SESTD1: variants seen among roughly 807,000 people sequenced by gnomAD.
SESTD1 encodes the protein SEC14 domain and spectrin repeat-containing protein 1.
Under a neutral mutation model 101.7 loss-of-function variants are expected in SESTD1, and 43 were observed. That is an observed-to-expected ratio of 0.42 (90% CI 0.33 to 0.55). The LOEUF (loss-of-function observed/expected upper bound fraction) is 0.55, where lower values mean the gene tolerates loss of function less well. Among genes scored for constraint, SESTD1 ranks in the 20% least tolerant of loss-of-function variants. The pLI is 0.07. For missense variants in SESTD1, 647 were observed against 815.1 expected (o/e 0.79, Z 2.51); for synonymous variants, 283 against 286.8 (o/e 0.99, Z 0.13).
chr2:179,207,484 T>C (rs540811329), intron 1 of SESTD1, among the ~76,000 whole-genome samples: 2 of 134,778 alleles, frequency 1.5e-5, no homozygotes, highest in African/African-American at 5.9e-5. Flanking sequence ...GTCCACCTTA[T>C]TTACTCCCCT....
In SESTD1 at chr2:179,173,514, C is replaced by T. The variant is rs2045960096; in HGVS notation, c.256-1281G>A. Among the ~76,000 whole-genome samples, 3 of 152,002 alleles carry T rather than the reference C, an allele frequency of 2.0e-5. No homozygotes were observed. The South Asian group carries it at 6.2e-4, about 31-fold the overall frequency. ...TAAATATTTGTTAAATAAATGAATCCTCATTACTAAGTAGATCTCATTCTC... is the reference window on the plus strand; with the variant it reads ...TAAATATTTGTTAAATAAATGAATCTTCATTACTAAGTAGATCTCATTCTC... On this transcript the variant is annotated intron_variant, in intron 4 of 17. Transcript: ENST00000428443.
intron 2 of SESTD1, among the ~76,000 whole-genome samples, chr2:179,184,088 C>A (rs1226837959): frequency 1.3e-5 from 2 of 152,144 alleles, no homozygotes; most frequent in African/African-American, 4.8e-5. Context: ...ATATTGAAGT[C>A]TGAAATCCCG....
intron 1 of SESTD1, among the ~76,000 whole-genome samples, chr2:179,263,206 T>C (rs2047507175): frequency 6.6e-6 from 1 of 152,192 alleles, no homozygotes. Context: ...GGCAAAGTAT[T>C]ACGTATAAAA....
chr2:179,209,992 C>A, intron 1 of SESTD1, among the ~76,000 whole-genome samples: 1 of 132,184 alleles, frequency 7.6e-6, no homozygotes, highest in African/African-American at 3.0e-5. Flanking sequence ...AGAGAAGATC[C>A]AAATAAGCTC....
chr2:179,185,952 A>G (rs2046224337), intron 2 of SESTD1, among the ~76,000 whole-genome samples: 1 of 140,522 alleles, frequency 7.1e-6, no homozygotes, highest in Non-Finnish European at 1.5e-5. Context: ...ATTATATACA[A>G]TATATAATAT....
At chr2:179,252,890 C>T (rs1197702206) in intron 1 of SESTD1, among the ~76,000 whole-genome samples, 1 of 152,160 alleles carries the variant, frequency 6.6e-6, no homozygotes, top group Non-Finnish European at 1.5e-5. Flanking sequence ...TGGTTTGATA[C>T]CCCTTTCTTT....
intron 2 of SESTD1, among the ~76,000 whole-genome samples, chr2:179,190,863 CA>C (rs1319401808): frequency 6.6e-6 from 1 of 151,782 alleles, no homozygotes; most frequent in African/African-American, 2.4e-5. Flanking sequence ...ATTAAAAAGT[CA>C]AAAAAATAAC....
intron 8 of SESTD1, among the ~76,000 whole-genome samples, chr2:179,144,329 G>A (rs542587362): frequency 2.6e-5 from 4 of 152,026 alleles, no homozygotes; most frequent in Admixed American, 2.6e-4. Flanking sequence ...ATAAATGAAT[G>A]ATTAAAGGGA....
chr2:179,118,073 T>C (rs1004886836), intron 13 of SESTD1, among the ~76,000 whole-genome samples: 1 of 151,732 alleles, frequency 6.6e-6, no homozygotes. Context: ...TGGGCTTAAA[T>C]GATCTTCACA....
chr2:179,174,851 A>G (rs2045983398), intron 4 of SESTD1, among the ~76,000 whole-genome samples: 1 of 151,696 alleles, frequency 6.6e-6, no homozygotes, highest in Non-Finnish European at 1.5e-5. Context: ...CAGGTGGCTG[A>G]GGCAGGAGGA....
At chr2:179,117,205 G>C (rs546922252) in intron 14 of SESTD1, among the ~76,000 whole-genome samples, 1 of 152,206 alleles carries the variant, frequency 6.6e-6, no homozygotes, top group African/African-American at 2.4e-5. Context: ...TTCTCTTGCA[G>C]ATGCAAGAGA....
At position 179,122,027 on chromosome 2, in the gene SESTD1, G is replaced by A. The variant is rs112526515; in HGVS notation, c.1283-98C>T. On this transcript the variant is annotated intron_variant, in intron 12 of 17. Transcript: ENST00000428443. ...ATCAGATATTGTACCTGGATCCCAA[G>A]TATAGGAGCTTTGTACAGTAAACCA... 544 of 1,239,532 alleles carry A rather than the reference G, an allele frequency of 4.4e-4. 6 individuals are homozygous for A. In the African/African-American group the frequency reaches 7.3e-3, roughly 17 times the overall value. The allele number at this position is 1,239,532 out of a possible 1,614,324, so 76.8% of individuals were successfully genotyped here.
chr2:179,260,036 T>C (rs2047460427), intron 1 of SESTD1, among the ~76,000 whole-genome samples: 1 of 152,228 alleles, frequency 6.6e-6, no homozygotes, highest in Admixed American at 6.5e-5. Context: ...CACCATCCTA[T>C]CTACTTAAAA....
intron 2 of SESTD1, 59 bp from the exon 3 acceptor site, chr2:179,183,247 A>G (rs1438965533): frequency 9.3e-7 from 1 of 1,069,584 alleles, no homozygotes; most frequent in Non-Finnish European, 1.4e-6. Flanking sequence ...AATCTGAATA[A>G]TATACATTTG....
chr2:179,131,178 A>G (rs569130282), intron 10 of SESTD1, among the ~76,000 whole-genome samples: 21 of 148,486 alleles, frequency 1.4e-4, no homozygotes, highest in African/African-American at 5.5e-4. Context: ...TGCCAATACC[A>G]GTAATTGCTA....
At position 179,106,484 on chromosome 2, in the gene SESTD1, C is replaced by T. The variant is rs1015764631; in HGVS notation, c.*3415G>A. On this transcript the variant is annotated 3_prime_UTR_variant, in exon 18 of 18. Coordinates refer to ENST00000428443, the MANE Select transcript of SESTD1 (RefSeq NM_178123.5). ...AACTTCATAATCACATCATTGGTAACAATGGGTTTAGATCAGAGTATGGTT... is the reference window on the plus strand; with the variant it reads ...AACTTCATAATCACATCATTGGTAATAATGGGTTTAGATCAGAGTATGGTT... 1.3e-5 allele frequency: 2 copies of T among 152,112 alleles called. No individual in the cohort carries two copies. The highest frequency in any genetic ancestry group is 4.8e-5 in the African/African-American group (2 of 41,432). The allele number at this position is 152,112 out of a possible 1,614,324, so 9.4% of individuals were successfully genotyped here.
intron 1 of SESTD1, among the ~76,000 whole-genome samples, chr2:179,198,975 T>C (rs928998081): frequency 2.0e-5 from 3 of 151,828 alleles, no homozygotes; most frequent in Non-Finnish European, 4.4e-5. Context: ...CTGAAGGAAA[T>C]AGAGACACAA....
intron 2 of SESTD1, among the ~76,000 whole-genome samples, chr2:179,189,296 A>T (rs999570436): frequency 3.3e-5 from 5 of 152,204 alleles, no homozygotes; most frequent in African/African-American, 1.2e-4. Context: ...AATGTGAGTC[A>T]CCACATAAAC....
intron 4 of SESTD1, among the ~76,000 whole-genome samples, chr2:179,172,672 A>G (rs1378755192): frequency 6.6e-6 from 1 of 152,242 alleles, no homozygotes; most frequent in Non-Finnish European, 1.5e-5. Flanking sequence ...CAGTCATTAT[A>G]CAATGAGACC....
Sources: allele counts gnomAD v4.1 joint callset (sites outside exome capture counted in the v4.1 genomes callset), GRCh38; gene constraint gnomAD v4.1.1; transcripts MANE v1.5; gene names NCBI Gene and HGNC (gene_info 2026-07-23, HGNC 2026-07-21).